ANKRD36: variants seen among roughly 807,000 people sequenced by gnomAD.
ANKRD36 encodes the protein ankyrin repeat domain 36, also known as ankyrin repeat domain-containing protein 36A.
A neutral mutation model predicts 278.1 loss-of-function variants in ANKRD36; 179 were observed. The observed-to-expected ratio is 0.64, with a 90% CI of 0.57 to 0.73. The LOEUF (loss-of-function observed/expected upper bound fraction) is 0.73, where lower values mean the gene tolerates loss of function less well. Ranked by LOEUF, ANKRD36 falls within the 30% of genes least tolerant of loss-of-function variation. The pLI is 0.00. For synonymous variants in ANKRD36, 320 were observed against 641.1 expected, an observed-to-expected ratio of 0.50 and a Z score of 7.57; for missense variants, 1,159 against 1,956.7, an observed-to-expected ratio of 0.59 and a Z score of 7.69.
At chr2:97,232,213 C>A (rs1196688012) in intron 67 of ANKRD36, among the ~76,000 whole-genome samples, 3 of 151,564 alleles carry the variant, frequency 2.0e-5, no homozygotes, top group Non-Finnish European at 2.9e-5. Flanking sequence ...ATTTTTAAAA[C>A]ATGTACTCTG....
At chr2:97,154,387 C>G (rs1035733340) in intron 14 of ANKRD36, among the ~76,000 whole-genome samples, 1 of 148,500 alleles carries the variant, frequency 6.7e-6, no homozygotes, top group African/African-American at 2.4e-5. Context: ...CTGGCTGTGC[C>G]ATTATAATGC....
At chr2:97,231,096 G>T (rs1304018530) in intron 67 of ANKRD36, among the ~76,000 whole-genome samples, 5 of 152,106 alleles carry the variant, frequency 3.3e-5, no homozygotes, top group Admixed American at 3.3e-4. Flanking sequence ...AGTGGTCAGG[G>T]TCTCACTTGA....
chr2:97,209,810 A>C lies in ANKRD36; in HGVS notation c.3305A>C (p.Asp1102Ala), dbSNP rs2063891621. ...RKKPALKATS[D>A]EKDSVLYIAR... is the part of the protein sequence containing the mutation. ...TCAAATTCCATTCAGGCTACAAGTG[A>C]CGAGAAAGATTCTGTTTTGTATATA... The change falls in exon 56 of 76, where the codon GAC (aspartate) becomes GCC (alanine). Residue 1102 changes from aspartate to alanine, a missense_variant. Transcript: ENST00000420699. 1 of 1,600,482 alleles carries C rather than the reference A, an allele frequency of 6.2e-7. No homozygotes were observed. The highest frequency in any genetic ancestry group is 8.5e-7 in the Non-Finnish European group (1 of 1,175,788).
chr2:97,173,881 T>G (rs549727763), intron 22 of ANKRD36, among the ~76,000 whole-genome samples: 24 of 151,598 alleles, frequency 1.6e-4, no homozygotes, highest in Middle Eastern at 3.4e-3. Context: ...TTTTGGTTTT[T>G]TTTTGAAAGC....
At position 97,165,079 on chromosome 2, in the gene ANKRD36, A is replaced by G. The variant is rs866341624; in HGVS notation, c.1531+610A>G. Among the ~76,000 whole-genome samples the G allele has an allele frequency of 1.7e-4, 26 of 152,184 alleles. 1 individual carries two copies. The highest frequency in any genetic ancestry group is 4.8e-4 in the African/African-American group (20 of 41,472). On this transcript the variant is annotated intron_variant, in intron 20 of 75. Coordinates refer to ENST00000420699, the MANE Select transcript of ANKRD36 (RefSeq NM_001354587.1). ...TTTCTTCTACTACTATTTATTGCCT[A>G]CAGGTAACCAACAGCCTGAATTAAC...
intron 54 of ANKRD36, among the ~76,000 whole-genome samples, chr2:97,208,787 T>G (rs1312002803): frequency 6.8e-6 from 1 of 146,686 alleles, no homozygotes; most frequent in Non-Finnish European, 1.5e-5. Context: ...AATAGCTATT[T>G]AATGTAACTT....
chr2:97,224,307 G>C (rs1260759063), intron 66 of ANKRD36, among the ~76,000 whole-genome samples: 2 of 151,434 alleles, frequency 1.3e-5, no homozygotes, highest in Non-Finnish European at 2.9e-5. Flanking sequence ...GTGACATCTA[G>C]TGCCTCCCCA....
intron 12 of ANKRD36, among the ~76,000 whole-genome samples, chr2:97,151,656 A>G (rs73961159): frequency 6.6e-6 from 1 of 152,140 alleles, no homozygotes; most frequent in African/African-American, 2.4e-5. Context: ...AATAATCAAC[A>G]TGGGTTGAAA....
intron 6 of ANKRD36, among the ~76,000 whole-genome samples, chr2:97,141,254 T>C (rs1473860555): frequency 6.9e-6 from 1 of 145,852 alleles, no homozygotes; most frequent in Non-Finnish European, 1.5e-5. Context: ...TACATATATA[T>C]ATATTTGGTT....
intron 66 of ANKRD36, among the ~76,000 whole-genome samples, chr2:97,220,775 A>ATTTTTTTTTTTT (rs58512786): frequency 8.0e-5 from 5 of 62,706 alleles, no homozygotes; most frequent in African/African-American, 1.4e-4. Context: ...TTTTTTTTTA[A>ATTTTTTTTTTTT]TTTTTTTTTT....
intron 1 of ANKRD36, among the ~76,000 whole-genome samples, chr2:97,116,137 TGTATAAATGATCA>T (rs1479880310): frequency 6.6e-6 from 1 of 152,190 alleles, no homozygotes; most frequent in African/African-American, 2.4e-5. Flanking sequence ...TTATCTGTGA[TGTATAAATGATCA>T]GTATGTTTAA....
intron 22 of ANKRD36, among the ~76,000 whole-genome samples, chr2:97,178,690 A>T (rs1575404216): frequency 1.0e-5 from 1 of 96,172 alleles, no homozygotes; most frequent in Admixed American, 1.3e-4. Context: ...GGGTGGGGGG[A>T]GGGGAGAGGG....
Position 97,154,568 on chromosome 2 carries a change from T to C in ANKRD36, c.1194-107T>C. On this transcript the variant is annotated intron_variant, in intron 14 of 75. Transcript: ENST00000420699. ...CAGATAACTGAGTTTCCTCAGACTT[T>C]GTTTTACCATTTTTTTTGGAGGGGA... 7.8e-6 allele frequency: 7 copies of C among 893,058 alleles called. 1 individual carries two copies. The East Asian group carries it at 8.4e-5, about 11-fold the overall frequency. The allele number at this position is 893,058 out of a possible 1,614,324, so 55.3% of individuals were successfully genotyped here. A position where few individuals can be genotyped will look rare whatever the true frequency, so the allele number is the denominator to read the frequency against.
intron 54 of ANKRD36, among the ~76,000 whole-genome samples, 183 bp downstream of exon 54, chr2:97,208,189 A>C (rs2063386287): frequency 1.4e-5 from 2 of 146,534 alleles, no homozygotes; most frequent in South Asian, 4.2e-4. Context: ...TGATCTTCGC[A>C]GTAAGATTAT....
chr2:97,149,476 C>T, intron 12 of ANKRD36, 115 bp downstream of exon 12: 1 of 846,878 alleles, frequency 1.2e-6, no homozygotes. Flanking sequence ...ACTATTAAAA[C>T]TTTTATTAGA....
At chr2:97,194,181 C>G (rs945941067) in intron 38 of ANKRD36, among the ~76,000 whole-genome samples, 1 of 151,584 alleles carries the variant, frequency 6.6e-6, no homozygotes, top group African/African-American at 2.4e-5. Context: ...TAGGTATCAG[C>G]AAACAGATAT....
At chr2:97,211,432 A>G in intron 56 of ANKRD36, 114 bp from the exon 57 acceptor site, 1 of 1,478,640 alleles carries the variant, frequency 6.8e-7, no homozygotes, top group Non-Finnish European at 9.2e-7. Context: ...GAAGCCGTCA[A>G]GGCCTACACT....
In ANKRD36 at chr2:97,122,938, G is replaced by C. The variant is rs1257545362; in HGVS notation, c.538G>C (p.Val180Leu). The C allele has an allele frequency of 6.5e-7, 1 of 1,545,094 alleles. No homozygotes were observed. The highest frequency in any genetic ancestry group is 2.0e-5 in the Admixed American group (1 of 50,360). The change falls in exon 4 of 76, where the codon GTG becomes CTG. Residue 180 changes from valine (V) to leucine (L), a missense_variant. By Grantham distance (32) the Val-to-Leu change is conservative. Transcript: ENST00000420699. ...TGTGAGTCGAAGAAAAGTGAAAATG[G>C]TGGAATTTTTATTAAAGAAAAAAGC... Reference protein sequence around the residue: ...FAVSRRKVKMVEFLLKKKANV... With the variant: ...FAVSRRKVKMLEFLLKKKANV...
intron 75 of ANKRD36, among the ~76,000 whole-genome samples, chr2:97,260,354 A>G (rs1319312274): frequency 3.4e-5 from 4 of 119,096 alleles, no homozygotes; most frequent in Non-Finnish European, 6.3e-5. Flanking sequence ...AAAGATATAT[A>G]TATATATATA....
Sources: allele counts gnomAD v4.1 joint callset (sites outside exome capture counted in the v4.1 genomes callset), GRCh38; gene constraint gnomAD v4.1.1; transcripts MANE v1.5; gene names NCBI Gene and HGNC (gene_info 2026-07-23, HGNC 2026-07-21).